Variants in COLEC10 observed in about 807,000 individuals in gnomAD.
COLEC10 encodes collectin-10.
Under a neutral mutation model 28.4 loss-of-function variants are expected in COLEC10, and 22 were observed. The observed-to-expected ratio is 0.78, with a 90% CI of 0.55 to 1.11. COLEC10 has a LOEUF of 1.11. Ranked by LOEUF, COLEC10 falls within the 50% of genes least tolerant of loss-of-function variation. COLEC10 has a pLI of 0.00. For synonymous variants in COLEC10, 125 were observed against 116.1 expected (o/e 1.08, Z -0.49); for missense variants, 361 against 344.1 (o/e 1.05, Z -0.39).
chr8:119,089,707 G>A lies in COLEC10; in HGVS notation c.176G>A (p.Gly59Glu). Residue 59 changes from glycine to glutamate, a missense_variant, in exon 2 of 6, where the codon GGA becomes GAA. Physicochemically the swap from Gly to Glu is moderately conservative, Grantham distance 98 (BLOSUM62 -2). This residue lies in a region of COLEC10 where 335 missense variants were observed against 308.5 expected (regional missense o/e 1.09). Transcript: ENST00000332843. ...KGDDGEKGDP[G>E]EEGKHGKVGR... Reference sequence around the variant, plus strand: ...GATGATGGTGAAAAAGGAGATCCAGGAGAAGAGGGAAAGCATGGCAAAGTG... The same window carrying A: ...GATGATGGTGAAAAAGGAGATCCAGAAGAAGAGGGAAAGCATGGCAAAGTG... 1 of 1,613,690 alleles carries A rather than the reference G, an allele frequency of 6.2e-7. No homozygotes were observed. Among genetic ancestry groups the A allele is most frequent in the Non-Finnish European group, 8.5e-7 (1 of 1,179,726 alleles).
chr8:119,065,086 A>G (rs1219673533), upstream of COLEC10, among the ~76,000 whole-genome samples: 1 of 152,156 alleles, frequency 6.6e-6, no homozygotes, highest in East Asian at 1.9e-4. Context: ...CTCAAAATTC[A>G]TGTGTTGAAG....
At chr8:119,099,986 G>A (rs966901079) in intron 3 of COLEC10, among the ~76,000 whole-genome samples, 2 of 152,056 alleles carry the variant, frequency 1.3e-5, no homozygotes, top group Non-Finnish European at 2.9e-5. Context: ...TGGAATCAAC[G>A]TTCCATCTGT....
intron 2 of COLEC10, among the ~76,000 whole-genome samples, chr8:119,016,242 T>C (rs142051740): frequency 4.3e-4 from 66 of 152,272 alleles, no homozygotes; most frequent in African/African-American, 1.5e-3. Context: ...CGTGTTCTCA[T>C]TGTTCACCTT....
At chr8:119,087,910 G>C (rs943693155) in intron 1 of COLEC10, among the ~76,000 whole-genome samples, 2 of 152,034 alleles carry the variant, frequency 1.3e-5, no homozygotes, top group Non-Finnish European at 2.9e-5. Context: ...AGAGCAATAC[G>C]AGTTTCCATC....
At chr8:118,971,942 C>T in the COLEC10 span, among the ~76,000 whole-genome samples, 1 of 151,990 alleles carries the variant, frequency 6.6e-6, no homozygotes, top group Non-Finnish European at 1.5e-5. Flanking sequence ...CTCCCACCTG[C>T]AACCAGACTT....
rs1021011665 is a variant in COLEC10 at position 119,105,795 on chromosome 8, T to A, written c.443-5T>A. The A allele has an allele frequency of 1.3e-5, 21 of 1,606,290 alleles. No homozygotes were observed. Among genetic ancestry groups the A allele is most frequent in the Middle Eastern group, 1.7e-4 (1 of 6,036 alleles). On this transcript the variant is annotated splice_region_variant and splice_polypyrimidine_tract_variant and intron_variant, in intron 5 of 5. Transcript: ENST00000332843. ...GTAATGATACTCCTTTTTCTCTCCC[T>A]GCAGTGATAGCAGGGATTAGGGAAA...
chr8:119,092,958 A>T (rs1368648141), intron 3 of COLEC10, among the ~76,000 whole-genome samples: 6 of 152,140 alleles, frequency 3.9e-5, no homozygotes, highest in Non-Finnish European at 1.5e-5. Flanking sequence ...TCCAGGACTC[A>T]TGTTGGAGAG....
At chr8:118,994,313 T>A (rs867626007), upstream of COLEC10, among the ~76,000 whole-genome samples, 107 of 152,228 alleles carry the variant, frequency 7.0e-4, no homozygotes, top group African/African-American at 2.6e-3. Flanking sequence ...AAATGGATCT[T>A]AAGTGGCAAA....
chr8:119,063,715 G>T (rs2130201887), upstream of COLEC10, among the ~76,000 whole-genome samples: 1 of 145,934 alleles, frequency 6.9e-6, no homozygotes, highest in Middle Eastern at 3.5e-3. Flanking sequence ...ATTTTTTAAG[G>T]CCACAATTCA....
intron 4 of COLEC10, 55 bp from the exon 5 acceptor site, chr8:119,103,745 T>C (rs980508470): frequency 8.6e-5 from 90 of 1,046,842 alleles, no homozygotes; most frequent in Non-Finnish European, 1.2e-4. Flanking sequence ...AAATGTTCCT[T>C]TCCACTGGTC....
chr8:118,988,657 CACCACACCTT>C, the COLEC10 span, among the ~76,000 whole-genome samples: 1 of 152,154 alleles, frequency 6.6e-6, no homozygotes, highest in South Asian at 2.1e-4. Flanking sequence ...GTTCCTTCTT[CACCACACCTT>C]ACCATCACAC....
At chr8:119,029,340 C>G (rs1255787805) in intron 2 of COLEC10, among the ~76,000 whole-genome samples, 1 of 152,140 alleles carries the variant, frequency 6.6e-6, no homozygotes, top group Admixed American at 6.6e-5. Context: ...GGGAGACGAT[C>G]AGCAATCTGG....
intron 2 of COLEC10, among the ~76,000 whole-genome samples, chr8:119,033,887 T>C (rs1467113596): frequency 6.6e-6 from 1 of 152,184 alleles, no homozygotes; most frequent in East Asian, 1.9e-4. Flanking sequence ...AATCCTATTA[T>C]TGGATATATA....
intron 1 of COLEC10, among the ~76,000 whole-genome samples, chr8:119,086,142 A>C (rs1281404948): frequency 6.6e-6 from 1 of 152,210 alleles, no homozygotes; most frequent in African/African-American, 2.4e-5. Flanking sequence ...GGGCAGGGGG[A>C]AAAGTCCTAT....
the COLEC10 span, among the ~76,000 whole-genome samples, chr8:118,971,810 A>C: frequency 7.6e-4 from 115 of 152,112 alleles, 1 homozygote; most frequent in African/African-American, 2.6e-3. Context: ...GTGTCAGATC[A>C]CTTGGCTAAA....
chr8:119,068,099 GT>G (rs926143103), intron 1 of COLEC10: 1 of 152,058 alleles, frequency 6.6e-6, no homozygotes, highest in Non-Finnish European at 1.5e-5. Flanking sequence ...TATTTTTCTG[GT>G]TTTAGCTTTC....
At chr8:119,023,413 A>G (rs965824002) in intron 2 of COLEC10, among the ~76,000 whole-genome samples, 1 of 152,146 alleles carries the variant, frequency 6.6e-6, no homozygotes, top group Non-Finnish European at 1.5e-5. Context: ...AACTTTAGAG[A>G]GAAGCACAGA....
rs749166134 is a variant in COLEC10 at position 119,102,410 on chromosome 8, T to C, written c.346+9T>C. ...AGAAAAAGGCAAAGCAGGTACGATA[T>C]GTTCAATGTTCTCTTTGATTTCTAG... On this transcript the variant is annotated intron_variant, in intron 4 of 5. Transcript: ENST00000332843. 11 of 1,597,256 alleles carry C rather than the reference T, an allele frequency of 6.9e-6. No homozygotes were observed. The highest frequency in any genetic ancestry group is 8.5e-6 in the Non-Finnish European group (10 of 1,170,460).
chr8:119,090,055 G>T (rs983448437), intron 2 of COLEC10, among the ~76,000 whole-genome samples: 2 of 151,826 alleles, frequency 1.3e-5, no homozygotes, highest in African/African-American at 4.9e-5. Flanking sequence ...TGTGTTCATA[G>T]CTGTGTCTCC....
Sources: gnomAD v4.1 joint callset for allele counts (sites outside exome capture counted in the v4.1 genomes callset) on GRCh38, gnomAD v4.1.1 for gene constraint, gnomAD v4.1.1 regional missense constraint, MANE v1.5 for transcripts, NCBI Gene and HGNC (gene_info 2026-07-23, HGNC 2026-07-21) for gene names.